The following RPL7A variants were observed in gnomAD, a reference collection of about 807,000 sequenced individuals.
RPL7A encodes the protein large ribosomal subunit protein eL8.
For missense variants in RPL7A, 291 were observed against 338.2 expected, an observed-to-expected ratio of 0.86 and a Z score of 1.09; for synonymous variants, 158 against 128.2, an observed-to-expected ratio of 1.23 and a Z score of -1.57.
rs1028607359 is a variant in RPL7A at position 133,348,300 on chromosome 9, G to A, written c.3+54G>A. ...TAGCCAGGTTCCGGCTGTATCCGCTGCCATCCTCCTCCAGGCGCGGCCTCG... is the reference window on the plus strand; with the variant it reads ...TAGCCAGGTTCCGGCTGTATCCGCTACCATCCTCCTCCAGGCGCGGCCTCG... On this transcript the variant is annotated intron_variant, in intron 1 of 7. Coordinates refer to ENST00000323345, the MANE Select transcript of RPL7A (RefSeq NM_000972.3). The A allele has an allele frequency of 1.9e-6, 3 of 1,613,472 alleles. No individual in the cohort carries two copies. In the African/African-American group the frequency reaches 4.0e-5, roughly 22 times the overall value.
In RPL7A at chr9:133,348,278, C is replaced by G. The variant is rs201662085; in HGVS notation, c.3+32C>G. 1.1e-5 allele frequency: 17 copies of G among 1,614,070 alleles called. No individual in the cohort carries two copies. In the South Asian group the frequency reaches 1.9e-4, roughly 18 times the overall value. On this transcript the variant is annotated intron_variant, in intron 1 of 7. Coordinates refer to ENST00000323345, the MANE Select transcript of RPL7A (RefSeq NM_000972.3). ...GAGCTGTAGTTCCGTGGCACTATAG[C>G]CAGGTTCCGGCTGTATCCGCTGCCA...
chr9:133,348,463 T>G (rs1836276583), intron 1 of RPL7A: 2 of 658,984 alleles, frequency 3.0e-6, no homozygotes, highest in Non-Finnish European at 5.2e-6. Context: ...GAGAGCGGAA[T>G]GCGTTGTTCC....
chr9:133,351,104 T>C, intron 7 of RPL7A, 33 bp downstream of exon 7: 1 of 1,602,640 alleles, frequency 6.2e-7, no homozygotes, highest in Non-Finnish European at 8.5e-7. Context: ...AATACTGTCA[T>C]TCACAAATCT....
chr9:133,349,414 A>G (rs2129985763), intron 2 of RPL7A, 137 bp from the exon 3 acceptor site: 3 of 1,085,854 alleles, frequency 2.8e-6, no homozygotes, highest in Non-Finnish European at 4.3e-6. Flanking sequence ...ATGTAAAAGA[A>G]TATTTGCTAT....
intron 5 of RPL7A, 54 bp downstream of exon 5, chr9:133,350,373 G>C: frequency 1.3e-6 from 2 of 1,598,856 alleles, no homozygotes; most frequent in Non-Finnish European, 1.7e-6. Context: ...ACCAGGAAGA[G>C]AGAGTAGACC....
intron 4 of RPL7A, 32 bp downstream of exon 4, chr9:133,350,084 G>A (rs782629945): frequency 6.2e-7 from 1 of 1,613,924 alleles, no homozygotes. Flanking sequence ...GTGAACACTG[G>A]GGGCGGGCTG....
At position 133,351,048 on chromosome 9, in the gene RPL7A, A is replaced by G; in HGVS notation, c.673A>G (p.Asn225Asp). The G allele has an allele frequency of 6.2e-7, 1 of 1,614,110 alleles. No homozygotes were observed. Among genetic ancestry groups the G allele is most frequent in the South Asian group, 1.1e-5 (1 of 91,072 alleles). The change falls in exon 7 of 8, where the codon AAT becomes GAT. Residue 225 changes from asparagine (N) to aspartate (D), a missense_variant. Transcript: ENST00000323345. ...TAAGCTGGTGGAAGCTATCAGGACC[A>G]ATTACAATGACAGATACGATGAGGT... is the stretch of plus-strand genomic sequence containing the variant. ...LAKLVEAIRT[N>D]YNDRYDEIRR...
chr9:133,350,460 AATG>A (rs2129993870), intron 5 of RPL7A, 134 bp from the exon 6 acceptor site: 2 of 1,519,834 alleles, frequency 1.3e-6, no homozygotes, highest in African/African-American at 1.4e-5. Context: ...TGGCTCTTGC[AATG>A]ATGTGAATCT....
In RPL7A at chr9:133,351,046, C is replaced by T. The variant is rs992882250; in HGVS notation, c.671C>T (p.Thr224Ile). The stretch of plus-strand genomic sequence containing the variant: ...GCTAAGCTGGTGGAAGCTATCAGGA[C>T]CAATTACAATGACAGATACGATGAG... Reference protein sequence around the residue: ...ALAKLVEAIRTNYNDRYDEIR... With the variant: ...ALAKLVEAIRINYNDRYDEIR... The change falls in exon 7 of 8, where the codon ACC becomes ATC. Residue 224 changes from threonine (T) to isoleucine (I), a missense_variant. Transcript: ENST00000323345. 13 of 1,614,088 alleles carry T rather than the reference C, an allele frequency of 8.1e-6. No homozygotes were observed. The highest frequency in any genetic ancestry group is 1.1e-5 in the Non-Finnish European group (13 of 1,180,010).
In RPL7A at chr9:133,349,638, A is replaced by G. The variant is rs2129987619; in HGVS notation, c.212A>G (p.Tyr71Cys). The change falls in exon 3 of 8, where the codon TAT becomes TGT. Residue 71 changes from tyrosine (Y) to cysteine (C), a missense_variant. Physicochemically the swap from Tyr to Cys is radical, Grantham distance 194. Transcript: ENST00000323345. ...TTGCAGCGGCAGAGAGCCATCCTCT[A>G]TAAGCGGCTGAAAGTGCCTCCTGCG... Reference protein sequence around the residue: ...IRLQRQRAILYKRLKVPPAIN... With the variant: ...IRLQRQRAILCKRLKVPPAIN... 23 of 1,613,944 alleles carry G rather than the reference A, an allele frequency of 1.4e-5. No individual in the cohort carries two copies. Among genetic ancestry groups the G allele is most frequent in the South Asian group, 4.4e-5 (4 of 91,094 alleles).
Position 133,351,296 on chromosome 9 carries a change from C to T in RPL7A, c.731C>T (p.Pro244Leu). 1 of 1,614,086 alleles carries T rather than the reference C, an allele frequency of 6.2e-7. No individual in the cohort carries two copies. Among genetic ancestry groups the T allele is most frequent in the Non-Finnish European group, 8.5e-7 (1 of 1,179,954 alleles). Residue 244 changes from proline (P) to leucine (L), a missense_variant, in exon 8 of 8, where the codon CCT becomes CTT. Coordinates refer to ENST00000323345, the MANE Select transcript of RPL7A (RefSeq NM_000972.3). ...RRHWGGNVLG[P>L]KSVARIAKLE... ...CACTGGGGTGGCAATGTCCTGGGTCCTAAGTCTGTGGCTCGTATCGCCAAG... is the reference window on the plus strand; with the variant it reads ...CACTGGGGTGGCAATGTCCTGGGTCTTAAGTCTGTGGCTCGTATCGCCAAG...
At chr9:133,351,136 C>CTG in intron 7 of RPL7A, 65 bp downstream of exon 7, 1 of 1,576,336 alleles carries the variant, frequency 6.3e-7, no homozygotes, top group South Asian at 1.1e-5. Context: ...AACTGGCTGG[C>CTG]TTAACCTATG....
intron 5 of RPL7A, 45 bp downstream of exon 5, chr9:133,350,364 C>T: frequency 6.3e-7 from 1 of 1,599,562 alleles, no homozygotes; most frequent in Non-Finnish European, 8.6e-7. Context: ...TCTGGCAGTA[C>T]CAGGAAGAGA....
chr9:133,350,550 T>G lies in RPL7A; in HGVS notation c.496-47T>G, dbSNP rs1434688337. ...CAATTGTTACAAGCTAACTGAAATT[T>G]GCTGCTTTTGGTCAAAATACAGTCT... is the stretch of plus-strand genomic sequence containing the variant. On this transcript the variant is annotated intron_variant, in intron 5 of 7. Transcript: ENST00000323345. The G allele has an allele frequency of 3.7e-6, 6 of 1,614,062 alleles. No homozygotes were observed. The East Asian group carries it at 1.1e-4, about 30-fold the overall frequency.
intron 4 of RPL7A, 90 bp downstream of exon 4, chr9:133,350,142 A>C: frequency 6.2e-7 from 1 of 1,613,274 alleles, no homozygotes; most frequent in East Asian, 2.2e-5. Flanking sequence ...TGAAGAGTAA[A>C]ACCGAGCTTT....
At position 133,351,389 on chromosome 9, in the gene RPL7A, T is replaced by A. The variant is rs1349240319; in HGVS notation, c.*23T>A. On this transcript the variant is annotated 3_prime_UTR_variant, in exon 8 of 8. Transcript: ENST00000323345. ...TAAATGTACACTGTTGAGTTTTCTG[T>A]ACATAAAAATAATTGAAATAATACA... 2.7e-6 allele frequency: 4 copies of A among 1,487,822 alleles called. No homozygotes were observed. In the African/African-American group the frequency reaches 5.5e-5, roughly 21 times the overall value. 92.2% of individuals were successfully genotyped at this position (1,487,822 alleles called of 1,614,324 possible).
At chr9:133,349,491 C>T in intron 2 of RPL7A, 60 bp from the exon 3 acceptor site, 1 of 1,609,156 alleles carries the variant, frequency 6.2e-7, no homozygotes, top group African/African-American at 1.3e-5. Flanking sequence ...TCCTAGTGGC[C>T]CCAGACATGA....
rs1217570032 is a variant in RPL7A, at chr9:133,348,840, G to C, written c.4-82G>C. On this transcript the variant is annotated intron_variant, in intron 1 of 7. Coordinates refer to ENST00000323345, the MANE Select transcript of RPL7A (RefSeq NM_000972.3). ...CAGGCAGGTGCTGTCAGCGTCCCTT[G>C]TTTTGGAGGAGCCAGCCTGAGCCCT... is the stretch of plus-strand genomic sequence containing the variant. 3.7e-6 allele frequency: 6 copies of C among 1,610,532 alleles called. No individual in the cohort carries two copies. In the East Asian group the frequency reaches 1.1e-4, roughly 30 times the overall value.
intron 2 of RPL7A, chr9:133,349,348 T>C (rs2129984987): frequency 8.1e-6 from 7 of 862,974 alleles, no homozygotes; most frequent in Non-Finnish European, 1.2e-5. Flanking sequence ...CCTTGGCTTC[T>C]TGTTAGATGA....
Sources: allele counts gnomAD v4.1 joint callset, GRCh38; gene constraint gnomAD v4.1.1; transcripts MANE v1.5; gene names NCBI Gene and HGNC (gene_info 2026-07-23, HGNC 2026-07-21).